The following ITCH variants were observed in gnomAD, a reference collection of about 807,000 sequenced individuals.
The protein encoded by ITCH is itchy E3 ubiquitin protein ligase.
In ITCH, 28 loss-of-function variants were observed where a neutral mutation model predicts 126.8. The ratio of observed to expected loss-of-function variants is 0.22; its 90% CI spans 0.16 to 0.30. The LOEUF (loss-of-function observed/expected upper bound fraction) is 0.30. Among genes scored for constraint, ITCH ranks in the 10% least tolerant of loss-of-function variants. The probability of loss-of-function intolerance (pLI) is 1.00; values close to 1 mark genes in which losing one functional copy is unlikely to be tolerated. For missense variants in ITCH, 631 were observed against 1,032.4 expected (o/e 0.61, Z 5.33); for synonymous variants, 342 against 340.0 (o/e 1.01, Z -0.06).
At chr20:34,494,950 C>T (rs1989754945) in intron 23 of ITCH, among the ~76,000 whole-genome samples, 1 of 149,692 alleles carries the variant, frequency 6.7e-6, no homozygotes, top group East Asian at 2.0e-4. Flanking sequence ...CAGAGTGAGA[C>T]CCTATCTTAA....
chr20:34,498,348 C>T (rs1042719285), intron 23 of ITCH, among the ~76,000 whole-genome samples: 3 of 152,142 alleles, frequency 2.0e-5, no homozygotes, highest in Admixed American at 6.6e-5. Flanking sequence ...ATTGCTTTGG[C>T]TGGGACTTCC....
intron 4 of ITCH, among the ~76,000 whole-genome samples, chr20:34,409,112 T>G (rs1444590011): frequency 6.6e-6 from 1 of 150,538 alleles, no homozygotes; most frequent in African/African-American, 2.5e-5. Context: ...TTATTAACTT[T>G]GGGTTGAATT....
intron 23 of ITCH, among the ~76,000 whole-genome samples, chr20:34,503,869 G>GTTTGTTT (rs1491071174): frequency 8.7e-6 from 1 of 114,432 alleles, no homozygotes; most frequent in African/African-American, 3.5e-5. Context: ...TTTTTTTTTT[G>GTTTGTTT]GTTTTTTTTT....
At chr20:34,417,755 G>A (rs1980140991) in intron 6 of ITCH, among the ~76,000 whole-genome samples, 1 of 136,192 alleles carries the variant, frequency 7.3e-6, no homozygotes, top group African/African-American at 2.8e-5. Context: ...ATAGCCCACA[G>A]ATCTGAAGTA....
chr20:34,463,075 G>A (rs1407102890), intron 14 of ITCH, among the ~76,000 whole-genome samples: 2 of 152,016 alleles, frequency 1.3e-5, no homozygotes, highest in African/African-American at 4.8e-5. Context: ...ATAATTTTCT[G>A]CTTGAGGCCG....
At chr20:34,466,944 C>G (rs922639162) in intron 14 of ITCH, among the ~76,000 whole-genome samples, 12 of 151,958 alleles carry the variant, frequency 7.9e-5, no homozygotes, top group African/African-American at 2.7e-4. Flanking sequence ...AAAAGCAGAA[C>G]TCAGTGAAGT....
rs1291771200 is a variant in ITCH at position 34,511,631 on chromosome 20, T to C, written c.*3837T>C. On this transcript the variant is annotated 3_prime_UTR_variant, in exon 25 of 25. Coordinates refer to ENST00000374864, the MANE Select transcript of ITCH (RefSeq NM_031483.7). ...AGATGAACTGAGAAAGGAGGGAGTTTATTTCTGTAACCAGGTATGGGGAGA... is the reference window on the plus strand; with the variant it reads ...AGATGAACTGAGAAAGGAGGGAGTTCATTTCTGTAACCAGGTATGGGGAGA... 6.6e-6 allele frequency among the ~76,000 whole-genome samples: 1 copy of C among 152,202 alleles called. No homozygotes were observed. The highest frequency in any genetic ancestry group is 6.5e-5 in the Admixed American group (1 of 15,286).
intron 10 of ITCH, among the ~76,000 whole-genome samples, chr20:34,442,517 CTTCTT>C (rs920952269): frequency 2.6e-5 from 4 of 152,130 alleles, no homozygotes; most frequent in African/African-American, 7.2e-5. Flanking sequence ...ATATTTCTTT[CTTCTT>C]TTCTTTATTT....
intron 2 of ITCH, among the ~76,000 whole-genome samples, chr20:34,372,695 T>TA (rs1254097314): frequency 1.3e-5 from 2 of 152,070 alleles, no homozygotes; most frequent in Non-Finnish European, 2.9e-5. Context: ...AGTTCTACTT[T>TA]AAACATTGGC....
chr20:34,479,510 A>T, intron 17 of ITCH, 120 bp from the exon 18 acceptor site: 2 of 771,932 alleles, frequency 2.6e-6, no homozygotes, highest in Non-Finnish European at 4.3e-6. Context: ...AAAAATCAAC[A>T]TGAGATTAGA....
intron 1 of ITCH, among the ~76,000 whole-genome samples, chr20:34,364,510 G>A (rs1004906344): frequency 2.6e-5 from 4 of 151,958 alleles, no homozygotes; most frequent in Non-Finnish European, 5.9e-5. Context: ...TTGAGGTGAA[G>A]TTCTCATGGC....
chr20:34,428,711 C>G (rs77672780), intron 7 of ITCH, among the ~76,000 whole-genome samples: 2,986 of 152,192 alleles, frequency 0.02, 90 homozygotes, highest in African/African-American at 0.059. Context: ...AGCCACCACG[C>G]CCAGCACATG....
chr20:34,372,044 TCCCTGTA>T (rs2037651561), intron 2 of ITCH, among the ~76,000 whole-genome samples: 1 of 152,022 alleles, frequency 6.6e-6, no homozygotes, highest in Non-Finnish European at 1.5e-5. Context: ...CGGTGGCTCA[TCCCTGTA>T]ATCCTAGCAC....
chr20:34,482,399 A>G (rs542478324), intron 20 of ITCH, among the ~76,000 whole-genome samples: 1 of 152,246 alleles, frequency 6.6e-6, no homozygotes, highest in Non-Finnish European at 1.5e-5. Flanking sequence ...TACTTCCTAC[A>G]TACACTCAGG....
In ITCH at chr20:34,461,054, A is replaced by G. The variant is rs114422674; in HGVS notation, c.1296-1039A>G. Among the ~76,000 whole-genome samples the G allele has an allele frequency of 3.0e-3, 455 of 152,242 alleles. 1 individual carries two copies. Among genetic ancestry groups the G allele is most frequent in the African/African-American group, 0.01 (426 of 41,530 alleles). The stretch of plus-strand genomic sequence containing the variant: ...ATCTTTTTTTGAGTTGCCTTAGTAG[A>G]AAAACAGTAGATAGATAATATGGGA... On this transcript the variant is annotated intron_variant, in intron 13 of 24. Coordinates refer to ENST00000374864, the MANE Select transcript of ITCH (RefSeq NM_031483.7).
intron 11 of ITCH, among the ~76,000 whole-genome samples, chr20:34,445,707 A>C (rs1984373919): frequency 6.6e-6 from 1 of 152,198 alleles, no homozygotes; most frequent in Non-Finnish European, 1.5e-5. Context: ...AAAATAAGTT[A>C]GGACAACTTA....
intron 22 of ITCH, among the ~76,000 whole-genome samples, chr20:34,491,298 C>T (rs1298125583): frequency 6.6e-6 from 1 of 152,182 alleles, no homozygotes. Flanking sequence ...GTAAGCCAGA[C>T]ACAAACGGAC....
intron 14 of ITCH, among the ~76,000 whole-genome samples, chr20:34,465,124 A>G (rs1363037229): frequency 7.9e-5 from 12 of 152,090 alleles, no homozygotes; most frequent in Admixed American, 7.9e-4. Flanking sequence ...TGAATGTCCA[A>G]TTTTCCCAAG....
chr20:34,417,247 C>T (rs947305902), intron 6 of ITCH: 2 of 590,642 alleles, frequency 3.4e-6, no homozygotes, highest in Admixed American at 2.8e-5. Context: ...CAGGTATGCA[C>T]CACCACGCCT....
Sources: allele counts gnomAD v4.1 joint callset (sites outside exome capture counted in the v4.1 genomes callset), GRCh38; gene constraint gnomAD v4.1.1; transcripts MANE v1.5; gene names NCBI Gene and HGNC (gene_info 2026-07-23, HGNC 2026-07-21).